Variants in TBC1D2 observed in about 807,000 individuals in gnomAD.
TBC1D2 encodes TBC1 domain family member 2.
TBC1D2 carries 58 observed loss-of-function variants against 91.1 expected under a neutral mutation model. The ratio of observed to expected loss-of-function variants is 0.64; its 90% CI spans 0.52 to 0.79. The LOEUF is 0.79. Among genes scored for constraint, TBC1D2 ranks in the 30% least tolerant of loss-of-function variants. The probability of loss-of-function intolerance (pLI) is 0.00; values close to 1 mark genes in which losing one functional copy is unlikely to be tolerated. For synonymous variants in TBC1D2, 482 were observed against 511.5 expected (o/e 0.94, Z 0.78); for missense variants, 1,080 against 1,208.3 (o/e 0.89, Z 1.57).
chr9:98,207,445 C>T lies in TBC1D2; in HGVS notation c.2150+1223G>A, dbSNP rs1249859674. Among the ~76,000 whole-genome samples the T allele has an allele frequency of 3.3e-5, 5 of 152,234 alleles. No individual in the cohort carries two copies. In the East Asian group the frequency reaches 9.6e-4, roughly 29 times the overall value. ...GGGGCTGGAGCGGGGGGATGACAGT[C>T]CCTCACAGTCTTGGAGGGGAGATAG... On this transcript the variant is annotated intron_variant, in intron 9 of 12. Transcript: ENST00000465784.
rs1298794599 is a variant in TBC1D2 at position 98,221,181 on chromosome 9, C to T, written c.1026G>A (p.Glu342=). Residue 342 remains glutamate, a synonymous_variant, in exon 6 of 13, where the codon GAG becomes GAA. Coordinates refer to ENST00000465784, the MANE Select transcript of TBC1D2 (RefSeq NM_001267571.2). ...CCAGGTATGCGCTGGACGCCCGCTT[C>T]TCCTGCTGGGCGGCCTCCAGTGCCT... ...LHKALEAAQQ[E]KRASSAYLAA... is the part of the protein sequence containing the mutation. The T allele has an allele frequency of 6.4e-7, 1 of 1,559,130 alleles. No homozygotes were observed. Among genetic ancestry groups the T allele is most frequent in the Non-Finnish European group, 8.7e-7 (1 of 1,151,378 alleles).
chr9:98,215,547 G>A (rs924288453), intron 6 of TBC1D2, among the ~76,000 whole-genome samples: 7 of 152,054 alleles, frequency 4.6e-5, no homozygotes, highest in African/African-American at 1.2e-4. Context: ...TTGCTCTGTC[G>A]CCCAAGCTGG....
chr9:98,239,493 G>A (rs1418503279), intron 3 of TBC1D2, among the ~76,000 whole-genome samples: 1 of 152,208 alleles, frequency 6.6e-6, no homozygotes, highest in Non-Finnish European at 1.5e-5. Context: ...TTTCAGATGT[G>A]AAACCAACCA....
intron 8 of TBC1D2, among the ~76,000 whole-genome samples, chr9:98,210,303 C>T (rs1196339100): frequency 3.3e-5 from 5 of 152,186 alleles, no homozygotes; most frequent in Non-Finnish European, 1.5e-5. Context: ...TGCCCATGTC[C>T]ACTGTGCTCA....
chr9:98,199,603 C>CAATCAGCCCAGA lies in TBC1D2; in HGVS notation c.2580-27_2580-16dup. ...TCATCAGCTTCCTGGGAGGAGGGCA[C>CAATCAGCCCAGA]AATCAGCCCAGAGCACGTCACCCCA... is the stretch of plus-strand genomic sequence containing the variant. On this transcript the variant is annotated splice_polypyrimidine_tract_variant and intron_variant, in intron 12 of 12. Coordinates refer to ENST00000465784, the MANE Select transcript of TBC1D2 (RefSeq NM_001267571.2). 1 of 1,613,598 alleles carries CAATCAGCCCAGA rather than the reference C, an allele frequency of 6.2e-7. No individual in the cohort carries two copies.
intron 12 of TBC1D2, among the ~76,000 whole-genome samples, chr9:98,199,943 C>T (rs1345010095): frequency 6.6e-6 from 1 of 152,136 alleles, no homozygotes; most frequent in Non-Finnish European, 1.5e-5. Flanking sequence ...AAAGAAACTG[C>T]AAGAGCAAAA....
At chr9:98,224,641 C>G (rs978829170) in intron 5 of TBC1D2, among the ~76,000 whole-genome samples, 1 of 152,232 alleles carries the variant, frequency 6.6e-6, no homozygotes, top group South Asian at 2.1e-4. Flanking sequence ...GATTTTGATA[C>G]GTGGTCATAA....
chr9:98,199,751 G>T (rs1005836033), intron 12 of TBC1D2, among the ~76,000 whole-genome samples, 163 bp from the exon 13 acceptor site: 2 of 152,194 alleles, frequency 1.3e-5, no homozygotes, highest in Non-Finnish European at 2.9e-5. Flanking sequence ...CACCCACAGA[G>T]ATATGTACTG....
chr9:98,245,923 A>G (rs1829755444), intron 2 of TBC1D2, among the ~76,000 whole-genome samples: 1 of 152,230 alleles, frequency 6.6e-6, no homozygotes, highest in Non-Finnish European at 1.5e-5. Flanking sequence ...AGGTCATAAC[A>G]TAAGGTTAAT....
Position 98,208,850 on chromosome 9 carries a change from C to A in TBC1D2, c.1968G>T (p.Leu656=). ...GGTGCTCGCGGGCCTGGCCCCGGCT[C>A]AGCAGTTCCTGGTAGCAGCCTGGAG... ...LHTPGCYQEL[L]SRGQAREHPA... Residue 656 remains leucine (L), a synonymous_variant, in exon 9 of 13, where the codon CTG becomes CTT. Transcript: ENST00000465784. 1.2e-6 allele frequency: 2 copies of A among 1,612,622 alleles called. No homozygotes were observed. The highest frequency in any genetic ancestry group is 1.7e-6 in the Non-Finnish European group (2 of 1,178,834).
At chr9:98,217,709 CTTTTT>C (rs1564242320) in intron 6 of TBC1D2, among the ~76,000 whole-genome samples, 1 of 152,128 alleles carries the variant, frequency 6.6e-6, no homozygotes, top group Non-Finnish European at 1.5e-5. Context: ...AACTCTTTCT[CTTTTT>C]TATTTTTTTT....
intron 5 of TBC1D2, among the ~76,000 whole-genome samples, chr9:98,223,991 A>C (rs920231426): frequency 6.6e-6 from 1 of 152,190 alleles, no homozygotes; most frequent in Admixed American, 6.5e-5. Context: ...CGAGGTCAGG[A>C]GATCGAGACC....
In TBC1D2 at chr9:98,220,898, G is replaced by A. The variant is rs375721269; in HGVS notation, c.1309C>T (p.Pro437Ser). ...CTGTTGGCAGCGTCGGGGCGCAAAG[G>A]AGACTGGTCAGGGGGGTGCGTGAAG... ...QDFTHPPDQS[P>S]LRPDAANRDF... The change falls in exon 6 of 13, where the codon CCT becomes TCT. Residue 437 changes from proline to serine, a missense_variant. Physicochemically the swap from Pro to Ser is moderately conservative, Grantham distance 74. Transcript: ENST00000465784. The A allele has an allele frequency of 3.1e-6, 5 of 1,614,182 alleles. No individual in the cohort carries two copies. The highest frequency in any genetic ancestry group is 4.2e-6 in the Non-Finnish European group (5 of 1,180,018).
intron 3 of TBC1D2, among the ~76,000 whole-genome samples, chr9:98,236,349 G>T (rs1356755706): frequency 6.6e-6 from 1 of 151,846 alleles, no homozygotes; most frequent in African/African-American, 2.4e-5. Context: ...TCAGCCTGCC[G>T]AGTAGCTGGG....
At chr9:98,245,465 G>A (rs1432434938) in intron 2 of TBC1D2, among the ~76,000 whole-genome samples, 1 of 152,046 alleles carries the variant, frequency 6.6e-6, no homozygotes, top group Non-Finnish European at 1.5e-5. Flanking sequence ...TACTTGGGAG[G>A]CTGAGGTGGG....
chr9:98,249,292 T>C (rs867166273), intron 2 of TBC1D2, among the ~76,000 whole-genome samples: 4 of 152,138 alleles, frequency 2.6e-5, no homozygotes, highest in South Asian at 2.1e-4. Context: ...ACCCAGGTCA[T>C]CACAGCAACT....
chr9:98,255,194 G>A lies in TBC1D2; in HGVS notation c.348C>T (p.Pro116=), dbSNP rs1163587581. ...AEEGIFEIKT[P]SRVITLKAAT... ...TTACCTTCAGGGTAATAACCCGGCT[G>A]GGAGTCTTGATTTCGAAGATCCCCT... The change falls in exon 1 of 13, where the codon CCC becomes CCT. Residue 116 remains proline, a synonymous_variant. Transcript: ENST00000465784. The A allele has an allele frequency of 6.2e-7, 1 of 1,609,690 alleles. No individual in the cohort carries two copies. The highest frequency in any genetic ancestry group is 1.3e-5 in the African/African-American group (1 of 74,946).
At position 98,199,296 on chromosome 9, in the gene TBC1D2, G is replaced by T; in HGVS notation, c.*85C>A. On this transcript the variant is annotated 3_prime_UTR_variant, in exon 13 of 13. Coordinates refer to ENST00000465784, the MANE Select transcript of TBC1D2 (RefSeq NM_001267571.2). ...AGGTCACATGGTGATGGGACACCCA[G>T]GGCTGGGCCACTGGTCCGTGCCTGA... 1.3e-6 allele frequency: 2 copies of T among 1,482,086 alleles called. No individual in the cohort carries two copies. Among genetic ancestry groups the T allele is most frequent in the East Asian group, 2.3e-5 (1 of 43,710 alleles). 91.8% of individuals were successfully genotyped at this position (1,482,086 alleles called of 1,614,324 possible).
intron 2 of TBC1D2, among the ~76,000 whole-genome samples, chr9:98,244,488 T>C (rs767303924): frequency 6.6e-6 from 1 of 151,888 alleles, no homozygotes; most frequent in Non-Finnish European, 1.5e-5. Flanking sequence ...GAAGAAACCC[T>C]GTCTCTACTA....
Sources: allele counts gnomAD v4.1 joint callset (sites outside exome capture counted in the v4.1 genomes callset), GRCh38; gene constraint gnomAD v4.1.1; transcripts MANE v1.5; gene names NCBI Gene and HGNC (gene_info 2026-07-23, HGNC 2026-07-21).